Variants in WDR11 observed in about 807,000 individuals in gnomAD.
WDR11 encodes WD repeat domain 11.
WDR11 carries 83 observed loss-of-function variants against 151.2 expected under a neutral mutation model. The observed-to-expected ratio is 0.55, with a 90% CI of 0.46 to 0.66. The LOEUF (loss-of-function observed/expected upper bound fraction) is 0.66, where lower values mean the gene tolerates loss of function less well. Among genes scored for constraint, WDR11 ranks in the 30% least tolerant of loss-of-function variants. WDR11 has a pLI of 0.00. For synonymous variants in WDR11, 484 were observed against 533.1 expected (o/e 0.91, Z 1.27); for missense variants, 1,301 against 1,480.9 (o/e 0.88, Z 1.99).
intron 28 of WDR11, chr10:120,907,808 C>CT (rs33999355): frequency 0.59 from 82,200 of 138,730 alleles, 24,606 homozygotes; most frequent in African/African-American, 0.71. Context: ...TTGTGCCTGG[C>CT]TTTTTTTTTT....
chr10:120,872,584 G>A (rs1019600696), intron 10 of WDR11, among the ~76,000 whole-genome samples: 1 of 140,478 alleles, frequency 7.1e-6, no homozygotes, highest in Admixed American at 7.4e-5. Flanking sequence ...GTACCTAAAA[G>A]TTTGTCTAGA....
At chr10:120,908,237 C>G (rs79574444) in intron 28 of WDR11, 2 of 366,282 alleles carry the variant, frequency 5.5e-6, no homozygotes, top group Non-Finnish European at 5.2e-6. Flanking sequence ...TTTCTCCTCT[C>G]TTATCATTCA....
Position 120,862,921 on chromosome 10 carries a change from G to C in WDR11, c.713G>C (p.Ser238Thr). The C allele has an allele frequency of 6.3e-7, 1 of 1,597,818 alleles. No individual in the cohort carries two copies. The highest frequency in any genetic ancestry group is 8.6e-7 in the Non-Finnish European group (1 of 1,165,408). ...VKILITQEKPSAEFITLNDCL... is the reference protein window; with the variant it reads ...VKILITQEKPTAEFITLNDCL... Reference sequence around the variant, plus strand: ...ATTTTAATCACTCAAGAGAAACCTAGGTAAGTTACAAGTGTAAAATTAACA... The same window carrying C: ...ATTTTAATCACTCAAGAGAAACCTACGTAAGTTACAAGTGTAAAATTAACA... The change falls in exon 5 of 29, where the codon AGT becomes ACT. Residue 238 changes from serine to threonine, a missense_variant and splice_region_variant. Around this residue, in one of 3 missense-constraint regions of WDR11, gnomAD observed 692 missense variants for 762.5 expected, o/e 0.91. Coordinates refer to ENST00000263461, the MANE Select transcript of WDR11 (RefSeq NM_018117.12).
chr10:120,875,651 C>T (rs1054613404), intron 11 of WDR11, among the ~76,000 whole-genome samples: 3 of 152,162 alleles, frequency 2.0e-5, no homozygotes, highest in East Asian at 1.9e-4. Context: ...ACTACAGGCA[C>T]GTGCCACCAT....
intron 19 of WDR11, 78 bp downstream of exon 19, chr10:120,890,965 T>A (rs1847411874): frequency 6.4e-6 from 9 of 1,406,820 alleles, no homozygotes; most frequent in Middle Eastern, 2.0e-4. Flanking sequence ...GGGAGAGAGC[T>A]GCTGCTTCTG....
Position 120,900,077 on chromosome 10 carries a change from T to C in WDR11, c.2564T>C (p.Leu855Ser). The C allele has an allele frequency of 2.5e-6, 4 of 1,614,184 alleles. No individual in the cohort carries two copies. Among genetic ancestry groups the C allele is most frequent in the Non-Finnish European group, 3.4e-6 (4 of 1,180,008 alleles). The change falls in exon 20 of 29, where the codon TTG becomes TCG. Residue 855 changes from leucine (L) to serine (S), a missense_variant. This residue lies in a region of WDR11 where 589 missense variants were observed against 670.6 expected (regional missense o/e 0.88). Transcript: ENST00000263461. Reference sequence around the variant, plus strand: ...CTTGTTCCAAGGGCCTCTCTTGCCTTGAAAGCCTTCTTATTACACCAGCCT... The same window carrying C: ...CTTGTTCCAAGGGCCTCTCTTGCCTCGAAAGCCTTCTTATTACACCAGCCT... Reference protein sequence around the residue: ...YLLVPRASLALKAFLLHQPWN... With the variant: ...YLLVPRASLASKAFLLHQPWN...
intron 9 of WDR11, among the ~76,000 whole-genome samples, chr10:120,868,925 C>T (rs1846416544): frequency 6.6e-6 from 1 of 151,202 alleles, no homozygotes; most frequent in Admixed American, 6.6e-5. Flanking sequence ...ACATGTTTTG[C>T]AAAATTTATT....
At chr10:120,907,560 G>GTT (rs1466989754) in intron 28 of WDR11, 1 of 148,566 alleles carries the variant, frequency 6.7e-6, no homozygotes, top group African/African-American at 2.5e-5. Flanking sequence ...CAGGTACTTG[G>GTT]TTCTCTCTCT....
chr10:120,889,035 A>G (rs1847323786), intron 16 of WDR11, 43 bp from the exon 17 acceptor site: 1 of 1,350,374 alleles, frequency 7.4e-7, no homozygotes, highest in Non-Finnish European at 1.1e-6. Context: ...TGTCTTATAC[A>G]GCATAGTGAA....
chr10:120,893,942 A>C (rs1477864449), intron 19 of WDR11, among the ~76,000 whole-genome samples: 7 of 152,062 alleles, frequency 4.6e-5, no homozygotes, highest in Admixed American at 1.3e-4. Context: ...TAGGTTGCAA[A>C]ATTTTTCTCC....
intron 19 of WDR11, among the ~76,000 whole-genome samples, chr10:120,891,937 C>T (rs531341654): frequency 6.6e-6 from 1 of 152,252 alleles, no homozygotes; most frequent in East Asian, 1.9e-4. Context: ...GTCCTTGTGT[C>T]GTTTGCCAGC....
chr10:120,904,953 A>G, intron 25 of WDR11, 142 bp downstream of exon 25: 2 of 982,404 alleles, frequency 2.0e-6, no homozygotes, highest in Admixed American at 2.2e-5. Context: ...TATAAATCAG[A>G]TGAATATAAT....
chr10:120,908,703 T>C lies in WDR11; in HGVS notation c.3665T>C (p.Ile1222Thr), dbSNP rs368846415. 16 of 1,613,960 alleles carry C rather than the reference T, an allele frequency of 9.9e-6. No individual in the cohort carries two copies. Among genetic ancestry groups the C allele is most frequent in the East Asian group, 4.5e-5 (2 of 44,886 alleles). Residue 1222 changes from isoleucine (I) to threonine (T), a missense_variant, in exon 29 of 29, where the codon ATT becomes ACT. Ile to Thr is a moderately conservative substitution (Grantham distance 89, BLOSUM62 -1). This residue lies in a region of WDR11 where 589 missense variants were observed against 670.6 expected (regional missense o/e 0.88). Transcript: ENST00000263461. ...NELESPKEEP[I>T]EE is the part of the protein sequence containing the mutation. ...CTTGAGTCCCCCAAGGAAGAACCCA[T>C]TGAAGAGTGACAGCTTAATAAATGC...
At chr10:120,881,911 A>T (rs1419043355) in intron 13 of WDR11, among the ~76,000 whole-genome samples, 1 of 151,076 alleles carries the variant, frequency 6.6e-6, no homozygotes, top group East Asian at 1.9e-4. Flanking sequence ...CTACGAGCTG[A>T]CATCTTTGCT....
At chr10:120,899,967 C>T (rs1335307387) in intron 19 of WDR11, 62 bp from the exon 20 acceptor site, 12 of 1,385,468 alleles carry the variant, frequency 8.7e-6, no homozygotes, top group Non-Finnish European at 1.2e-5. Context: ...TGGTTTATAG[C>T]TGAAGCTTCA....
intron 23 of WDR11, among the ~76,000 whole-genome samples, chr10:120,903,510 CAAAA>C (rs60137682): frequency 7.9e-6 from 1 of 126,022 alleles, no homozygotes; most frequent in Admixed American, 7.8e-5. Flanking sequence ...ACTCTGTCTC[CAAAA>C]AAAAAAAAAG....
intron 9 of WDR11, among the ~76,000 whole-genome samples, chr10:120,867,573 C>T (rs765634692): frequency 1.7e-4 from 26 of 152,216 alleles, no homozygotes; most frequent in Admixed American, 3.3e-4. Context: ...CAAAATTCAA[C>T]TCAGATGTTG....
At chr10:120,899,973 C>A in intron 19 of WDR11, 56 bp from the exon 20 acceptor site, 1 of 1,428,986 alleles carries the variant, frequency 7.0e-7, no homozygotes, top group Non-Finnish European at 9.9e-7. Context: ...ATAGCTGAAG[C>A]TTCACTGTAG....
At chr10:120,896,647 G>A (rs1023972871) in intron 19 of WDR11, among the ~76,000 whole-genome samples, 1 of 152,168 alleles carries the variant, frequency 6.6e-6, no homozygotes, top group Non-Finnish European at 1.5e-5. Flanking sequence ...CTTTACCGGG[G>A]TAGTTGATGG....
Sources: gnomAD v4.1 joint callset for allele counts (sites outside exome capture counted in the v4.1 genomes callset) on GRCh38, gnomAD v4.1.1 for gene constraint, gnomAD v4.1.1 regional missense constraint, MANE v1.5 for transcripts, NCBI Gene and HGNC (gene_info 2026-07-23, HGNC 2026-07-21) for gene names.